The following CPQ variants were observed in gnomAD, a reference collection of about 807,000 sequenced individuals.
The protein encoded by CPQ is Ser-Met dipeptidase.
A neutral mutation model predicts 45.7 loss-of-function variants in CPQ; 37 were observed. The ratio of observed to expected loss-of-function variants is 0.81; its 90% CI spans 0.62 to 1.07. The LOEUF (loss-of-function observed/expected upper bound fraction) is 1.07, where lower values mean the gene tolerates loss of function less well. Among genes scored for constraint, CPQ ranks in the 50% least tolerant of loss-of-function variants. The probability of loss-of-function intolerance (pLI) is 0.00; values close to 1 mark genes in which losing one functional copy is unlikely to be tolerated. For missense variants in CPQ, 537 were observed against 572.9 expected (o/e 0.94, Z 0.64); for synonymous variants, 186 against 205.8 (o/e 0.90, Z 0.82).
intron 2 of CPQ, among the ~76,000 whole-genome samples, chr8:96,822,725 G>A (rs1245420734): frequency 6.6e-6 from 1 of 151,870 alleles, no homozygotes; most frequent in African/African-American, 2.4e-5. Flanking sequence ...TCTTGTGAAG[G>A]TTTTCCTGCC....
intron 7 of CPQ, among the ~76,000 whole-genome samples, chr8:97,072,048 AAAC>A (rs1224770731): frequency 1.3e-5 from 2 of 152,136 alleles, no homozygotes; most frequent in African/African-American, 4.8e-5. Context: ...AGAAGCCCTA[AAAC>A]AAGTTTCTTA....
intron 7 of CPQ, among the ~76,000 whole-genome samples, chr8:97,086,488 T>G (rs1811042958): frequency 6.6e-6 from 1 of 152,230 alleles, no homozygotes; most frequent in African/African-American, 2.4e-5. Context: ...CTGCTCTGTT[T>G]GATTGCAGAG....
intron 7 of CPQ, among the ~76,000 whole-genome samples, chr8:97,109,719 A>G (rs1002235398): frequency 1.3e-5 from 2 of 151,864 alleles, no homozygotes; most frequent in Admixed American, 6.6e-5. Flanking sequence ...GGTGAATCCT[A>G]TGGAATATGT....
intron 4 of CPQ, among the ~76,000 whole-genome samples, chr8:96,888,918 G>T (rs1812337908): frequency 6.6e-6 from 1 of 152,164 alleles, no homozygotes; most frequent in African/African-American, 2.4e-5. Context: ...AGGCACTAAG[G>T]TTATAGCAAT....
At chr8:96,685,769 G>A (rs1482016625) in intron 1 of CPQ, among the ~76,000 whole-genome samples, 1 of 152,124 alleles carries the variant, frequency 6.6e-6, no homozygotes, top group East Asian at 1.9e-4. Flanking sequence ...TTAATTGTGT[G>A]TGTGTGAATA....
At chr8:96,985,370 A>T (rs1813997268) in intron 5 of CPQ, among the ~76,000 whole-genome samples, 2 of 151,944 alleles carry the variant, frequency 1.3e-5, no homozygotes, top group Non-Finnish European at 2.9e-5. Flanking sequence ...GAATAAATCT[A>T]TCATTTTGTC....
At chr8:96,714,227 A>C (rs1809648155) in intron 1 of CPQ, among the ~76,000 whole-genome samples, 2 of 152,226 alleles carry the variant, frequency 1.3e-5, no homozygotes, top group Admixed American at 6.5e-5. Context: ...CCATCAAATA[A>C]GTTTTCCAAA....
chr8:97,141,702 T>C (rs773784890), intron 7 of CPQ, among the ~76,000 whole-genome samples: 1 of 152,098 alleles, frequency 6.6e-6, no homozygotes, highest in Non-Finnish European at 1.5e-5. Flanking sequence ...CAGCACGTAA[T>C]AGAAAACTGG....
chr8:96,654,684 C>A (rs1046017389), intron 1 of CPQ, among the ~76,000 whole-genome samples: 11 of 152,174 alleles, frequency 7.2e-5, no homozygotes, highest in African/African-American at 2.7e-4. Context: ...CCCTTACCAG[C>A]AAGATACTTT....
intron 1 of CPQ, among the ~76,000 whole-genome samples, chr8:96,701,297 A>G (rs998993394): frequency 2.6e-5 from 4 of 152,308 alleles, no homozygotes; most frequent in African/African-American, 9.6e-5. Context: ...TAAATGAAAT[A>G]AATTCTAGGA....
At chr8:97,059,715 A>C (rs1312586701) in intron 6 of CPQ, among the ~76,000 whole-genome samples, 1 of 152,160 alleles carries the variant, frequency 6.6e-6, no homozygotes, top group Non-Finnish European at 1.5e-5. Flanking sequence ...GAACTGCAAA[A>C]CAGGATTGCA....
At chr8:96,856,596 G>A (rs1811854405) in intron 3 of CPQ, among the ~76,000 whole-genome samples, 1 of 152,168 alleles carries the variant, frequency 6.6e-6, no homozygotes, top group African/African-American at 2.4e-5. Context: ...TTCCTTGAAT[G>A]TATGTGTATA....
intron 7 of CPQ, among the ~76,000 whole-genome samples, chr8:97,098,092 G>A (rs1179829030): frequency 2.6e-5 from 4 of 152,164 alleles, no homozygotes; most frequent in Admixed American, 1.3e-4. Flanking sequence ...CCAACCCTCA[G>A]ATGTCAAGAG....
intron 2 of CPQ, among the ~76,000 whole-genome samples, chr8:96,823,682 C>T (rs977131064): frequency 4.0e-5 from 6 of 151,736 alleles, no homozygotes; most frequent in African/African-American, 1.2e-4. Context: ...ATAAGTAAAA[C>T]ACAAGTATAA....
At chr8:97,019,074 T>A (rs1035437521) in intron 5 of CPQ, among the ~76,000 whole-genome samples, 5 of 152,184 alleles carry the variant, frequency 3.3e-5, no homozygotes, top group African/African-American at 7.2e-5. Flanking sequence ...TGGGGCCCTA[T>A]CTTCAGCCCC....
At chr8:96,719,136 G>C (rs1809727623) in intron 1 of CPQ, among the ~76,000 whole-genome samples, 1 of 152,218 alleles carries the variant, frequency 6.6e-6, no homozygotes, top group Non-Finnish European at 1.5e-5. Context: ...TGGAGCAAGG[G>C]GTGGCACTCA....
intron 1 of CPQ, among the ~76,000 whole-genome samples, chr8:96,766,290 GCACACTA>G (rs1389195642): frequency 6.6e-6 from 1 of 152,078 alleles, no homozygotes; most frequent in Non-Finnish European, 1.5e-5. Context: ...GACTTCCGGA[GCACACTA>G]CACAGAGGAG....
At chr8:96,674,388 G>A (rs745996643) in intron 1 of CPQ, among the ~76,000 whole-genome samples, 6 of 152,040 alleles carry the variant, frequency 3.9e-5, no homozygotes, top group Non-Finnish European at 7.4e-5. Context: ...AGCATAGTTT[G>A]GTAGTCTCTA....
At chr8:96,835,503 C>G (rs1811518706) in intron 3 of CPQ, among the ~76,000 whole-genome samples, 1 of 152,162 alleles carries the variant, frequency 6.6e-6, no homozygotes, top group South Asian at 2.1e-4. Flanking sequence ...GTCTGCATTT[C>G]ATCAAAGATT....
Sources: allele counts gnomAD v4.1 joint callset (sites outside exome capture counted in the v4.1 genomes callset), GRCh38; gene constraint gnomAD v4.1.1; transcripts MANE v1.5; gene names NCBI Gene and HGNC (gene_info 2026-07-23, HGNC 2026-07-21).